The following HCN1 variants were observed in gnomAD, a reference collection of about 807,000 sequenced individuals.
The protein encoded by HCN1 is hyperpolarization activated cyclic nucleotide gated potassium channel 1.
HCN1 carries 13 observed loss-of-function variants against 78.9 expected under a neutral mutation model. The ratio of observed to expected loss-of-function variants is 0.16; its 90% CI spans 0.11 to 0.26. HCN1 has a LOEUF of 0.26. Among genes scored for constraint, HCN1 ranks in the 10% least tolerant of loss-of-function variants. HCN1 has a pLI of 1.00. For synonymous variants in HCN1, 552 were observed against 455.5 expected (o/e 1.21, Z -2.70); for missense variants, 810 against 1,154.3 (o/e 0.70, Z 4.32).
At chr5:45,455,157 A>G (rs773143973) in intron 3 of HCN1, among the ~76,000 whole-genome samples, 34 of 152,078 alleles carry the variant, frequency 2.2e-4, no homozygotes, top group Non-Finnish European at 3.8e-4. Flanking sequence ...CTCCCTGGGT[A>G]TCTAAATTAA....
intron 5 of HCN1, among the ~76,000 whole-genome samples, chr5:45,345,554 C>A (rs1161907038): frequency 6.6e-6 from 1 of 152,188 alleles, no homozygotes; most frequent in African/African-American, 2.4e-5. Flanking sequence ...TTTCTCTCAA[C>A]TTCAAAGTTC....
At chr5:45,489,093 T>C (rs1258838285) in intron 2 of HCN1, among the ~76,000 whole-genome samples, 1 of 152,154 alleles carries the variant, frequency 6.6e-6, no homozygotes, top group African/African-American at 2.4e-5. Context: ...ATCGTTAACT[T>C]GGAGTTCAGA....
chr5:45,425,922 CAT>C, intron 3 of HCN1, among the ~76,000 whole-genome samples: 1 of 152,190 alleles, frequency 6.6e-6, no homozygotes, highest in South Asian at 2.1e-4. Flanking sequence ...AGATAGAACA[CAT>C]AAAAAGCATA....
chr5:45,682,274 T>TATATATATATACAC (rs1561243537), intron 1 of HCN1, among the ~76,000 whole-genome samples: 1 of 105,712 alleles, frequency 9.5e-6, no homozygotes, highest in African/African-American at 4.4e-5. Flanking sequence ...TATATATACA[T>TATATATATATACAC]ATATATATAT....
intron 2 of HCN1, among the ~76,000 whole-genome samples, chr5:45,525,373 T>C (rs1023319673): frequency 2.6e-5 from 4 of 151,948 alleles, no homozygotes; most frequent in Non-Finnish European, 5.9e-5. Context: ...GAAAATTATC[T>C]TTGTCTGCAA....
intron 2 of HCN1, among the ~76,000 whole-genome samples, chr5:45,521,876 T>A (rs1742619547): frequency 6.6e-6 from 1 of 152,022 alleles, no homozygotes. Flanking sequence ...AATTATTATG[T>A]TTGGTAGAAT....
At chr5:45,659,528 C>G (rs1477083800) in intron 1 of HCN1, among the ~76,000 whole-genome samples, 3 of 133,650 alleles carry the variant, frequency 2.2e-5, no homozygotes, top group Admixed American at 7.5e-5. Context: ...GACATTCAAA[C>G]CAAAGGCAAA....
intron 5 of HCN1, among the ~76,000 whole-genome samples, chr5:45,315,226 A>G (rs1375290688): frequency 6.6e-6 from 1 of 152,252 alleles, no homozygotes; most frequent in African/African-American, 2.4e-5. Context: ...CTCGGACCAC[A>G]GTGCAATCAA....
chr5:45,540,593 G>T (rs879670236), intron 2 of HCN1, among the ~76,000 whole-genome samples: 1 of 152,028 alleles, frequency 6.6e-6, no homozygotes, highest in Non-Finnish European at 1.5e-5. Context: ...GCCACCTAAG[G>T]TGCTGGCATT....
intron 5 of HCN1, among the ~76,000 whole-genome samples, chr5:45,323,229 A>G (rs886348925): frequency 2.0e-5 from 3 of 151,898 alleles, no homozygotes; most frequent in African/African-American, 7.2e-5. Flanking sequence ...GATTGTGAAG[A>G]CTTGATAAAA....
At chr5:45,435,496 T>C (rs1445793545) in intron 3 of HCN1, among the ~76,000 whole-genome samples, 1 of 152,144 alleles carries the variant, frequency 6.6e-6, no homozygotes, top group Non-Finnish European at 1.5e-5. Context: ...TAGAAAACTA[T>C]ATCAATAAGA....
At chr5:45,493,805 G>C (rs1425402877) in intron 2 of HCN1, among the ~76,000 whole-genome samples, 1 of 128,976 alleles carries the variant, frequency 7.8e-6, no homozygotes, top group East Asian at 2.2e-4. Context: ...CTGTGTCCAT[G>C]AGTTCTCATT....
At chr5:45,631,423 G>T (rs903051682) in intron 2 of HCN1, among the ~76,000 whole-genome samples, 1 of 152,112 alleles carries the variant, frequency 6.6e-6, no homozygotes, top group African/African-American at 2.4e-5. Context: ...GAGCTGCTTA[G>T]TCAGTCTACA....
chr5:45,534,352 C>T (rs945361855), intron 2 of HCN1, among the ~76,000 whole-genome samples: 10 of 131,088 alleles, frequency 7.6e-5, no homozygotes, highest in Admixed American at 4.7e-4. Context: ...GCCAAGATCC[C>T]GCCATTGCAT....
rs878855067 is a variant in HCN1 at position 45,353,139 on chromosome 5, C to A, written c.1338G>T (p.Glu446Asp). The A allele has an allele frequency of 6.2e-7, 1 of 1,611,608 alleles. No individual in the cohort carries two copies. Among genetic ancestry groups the A allele is most frequent in the Non-Finnish European group, 8.5e-7 (1 of 1,178,614 alleles). Residue 446 changes from glutamate to aspartate, a missense_variant, in exon 5 of 8, where the codon GAG (glutamate) becomes GAT (aspartate). Transcript: ENST00000303230. ...CATTGAGTTCATTGAGAATATTTTCCTCATCAAAGATTTTGCCTTGGTATC... is the reference window on the plus strand; with the variant it reads ...CATTGAGTTCATTGAGAATATTTTCATCATCAAAGATTTTGCCTTGGTATC... Reference protein sequence around the residue: ...EHRYQGKIFDEENILNELNDP... With the variant: ...EHRYQGKIFDDENILNELNDP...
At chr5:45,516,038 T>G (rs1426753827) in intron 2 of HCN1, among the ~76,000 whole-genome samples, 1 of 151,992 alleles carries the variant, frequency 6.6e-6, no homozygotes, top group Non-Finnish European at 1.5e-5. Flanking sequence ...AACAGCTATT[T>G]TTAATATCCC....
chr5:45,553,458 C>T (rs1579965515), intron 2 of HCN1, among the ~76,000 whole-genome samples: 1 of 151,936 alleles, frequency 6.6e-6, no homozygotes, highest in Non-Finnish European at 1.5e-5. Flanking sequence ...GTCAGTTTAC[C>T]TTATAGACTC....
intron 5 of HCN1, among the ~76,000 whole-genome samples, chr5:45,314,581 A>T (rs1745935985): frequency 6.6e-6 from 1 of 152,184 alleles, no homozygotes; most frequent in Admixed American, 6.5e-5. Context: ...TTGGATAAAA[A>T]GTCAAGACCC....
Position 45,463,017 on chromosome 5 carries a change from C to T in HCN1, c.850-1010G>A, listed in dbSNP as rs567621840. Among the ~76,000 whole-genome samples, 12 of 151,996 alleles carry T rather than the reference C, an allele frequency of 7.9e-5. No homozygotes were observed. In the South Asian group the frequency reaches 1.7e-3, roughly 21 times the overall value. ...TAAGGAATTACTGCATTAATAAATA[C>T]AATTAAATTTGAGTAAGTACTTATA... is the stretch of plus-strand genomic sequence containing the variant. On this transcript the variant is annotated intron_variant, in intron 2 of 7. Transcript: ENST00000303230.
Sources: gnomAD v4.1 joint callset for allele counts (sites outside exome capture counted in the v4.1 genomes callset) on GRCh38, gnomAD v4.1.1 for gene constraint, MANE v1.5 for transcripts, NCBI Gene and HGNC (gene_info 2026-07-23, HGNC 2026-07-21) for gene names.